Variants in EXOC4 observed in about 807,000 individuals in gnomAD.
EXOC4 encodes exocyst complex component 4, also known as SEC8-like 1.
A neutral mutation model predicts 107.2 loss-of-function variants in EXOC4; 71 were observed. The ratio of observed to expected loss-of-function variants is 0.66; its 90% confidence interval spans 0.55 to 0.81. EXOC4 has a LOEUF of 0.81. EXOC4 is among the 30% of genes least tolerant of loss of function. The probability of loss-of-function intolerance (pLI) is 0.00; values close to 1 mark genes in which losing one functional copy is unlikely to be tolerated. For synonymous variants in EXOC4, 456 were observed against 441.2 expected (o/e 1.03, Z -0.42); for missense variants, 1,108 against 1,189.6 (o/e 0.93, Z 1.01).
At chr7:134,042,530 G>A (rs1795544357) in intron 17 of EXOC4, among the ~76,000 whole-genome samples, 2 of 151,856 alleles carry the variant, frequency 1.3e-5, no homozygotes, top group African/African-American at 4.8e-5. Flanking sequence ...GGCCATCTAC[G>A]ACTGGGCACA....
chr7:133,648,544 T>C (rs1803050080), intron 10 of EXOC4, among the ~76,000 whole-genome samples: 1 of 152,198 alleles, frequency 6.6e-6, no homozygotes, highest in Admixed American at 6.5e-5. Context: ...ATGTACGATA[T>C]ATTCCTTAGT....
At chr7:133,599,741 A>G (rs1801762358) in intron 9 of EXOC4, among the ~76,000 whole-genome samples, 1 of 151,960 alleles carries the variant, frequency 6.6e-6, no homozygotes, top group African/African-American at 2.4e-5. Context: ...TTTATTTACT[A>G]TTTCATTTCT....
chr7:134,019,806 T>G (rs1036698697), intron 17 of EXOC4, among the ~76,000 whole-genome samples: 2 of 152,214 alleles, frequency 1.3e-5, no homozygotes, highest in Non-Finnish European at 2.9e-5. Flanking sequence ...CAAACATTTC[T>G]TTTTTCCTTT....
intron 9 of EXOC4, among the ~76,000 whole-genome samples, chr7:133,530,829 A>AGGGAATGTGAAGGATTGCAGTT (rs1800168166): frequency 6.6e-6 from 1 of 152,206 alleles, no homozygotes; most frequent in Non-Finnish European, 1.5e-5. Context: ...ACTTTGTCAA[A>AGGGAATGTGAAGGATTGCAGTT]GGGAATGTGA....
chr7:133,299,625 TC>T (rs1794598862), intron 3 of EXOC4, among the ~76,000 whole-genome samples: 2 of 152,194 alleles, frequency 1.3e-5, no homozygotes, highest in African/African-American at 4.8e-5. Flanking sequence ...TCACATTTGA[TC>T]CTGTTTTCGA....
chr7:134,042,789 G>A (rs1275702590), intron 17 of EXOC4, among the ~76,000 whole-genome samples: 1 of 152,208 alleles, frequency 6.6e-6, no homozygotes, highest in Non-Finnish European at 1.5e-5. Flanking sequence ...TATAATCCCA[G>A]CACTTTGGGA....
At chr7:133,871,776 G>C (rs1429149636) in intron 11 of EXOC4, among the ~76,000 whole-genome samples, 1 of 152,058 alleles carries the variant, frequency 6.6e-6, no homozygotes, top group Admixed American at 6.6e-5. Flanking sequence ...TGTTACCTTG[G>C]GGTTGTTACT....
In EXOC4 at chr7:133,475,300, A is replaced by T. The variant is rs765276118; in HGVS notation, c.1183-28A>T. The T allele has an allele frequency of 4.5e-6, 7 of 1,564,196 alleles. No individual in the cohort carries two copies. The East Asian group carries it at 1.1e-4, about 25-fold the overall frequency. On this transcript the variant is annotated intron_variant, in intron 7 of 17. Coordinates refer to ENST00000253861, the MANE Select transcript of EXOC4 (RefSeq NM_021807.4). ...TTGCACATTAAAAATGTGTATATTA[A>T]CATTAACTGATTTATCTGGTTGTAC...
At chr7:133,887,554 TG>T (rs1333766281) in intron 11 of EXOC4, among the ~76,000 whole-genome samples, 1 of 152,120 alleles carries the variant, frequency 6.6e-6, no homozygotes, top group Admixed American at 6.6e-5. Context: ...GCATGAGTCA[TG>T]GGGGCCAACA....
intron 10 of EXOC4, among the ~76,000 whole-genome samples, chr7:133,636,456 A>G (rs932244497): frequency 3.9e-5 from 6 of 152,166 alleles, no homozygotes. Flanking sequence ...AGTATGTTGG[A>G]GAATTGCTGC....
At chr7:133,500,572 A>G (rs1799558042) in intron 9 of EXOC4, among the ~76,000 whole-genome samples, 1 of 152,116 alleles carries the variant, frequency 6.6e-6, no homozygotes, top group African/African-American at 2.4e-5. Flanking sequence ...TCCAGTTTTT[A>G]CTTATTGTGA....
At position 133,731,885 on chromosome 7, in the gene EXOC4, ACTC is replaced by A. The variant is rs1172601884; in HGVS notation, c.1515-85436_1515-85434del. Among the ~76,000 whole-genome samples, 5 of 152,070 alleles carry A rather than the reference ACTC, an allele frequency of 3.3e-5. No individual in the cohort carries two copies. The East Asian group carries it at 9.6e-4, about 29-fold the overall frequency. On this transcript the variant is annotated intron_variant, in intron 10 of 17. Transcript: ENST00000253861. ...AACCATTATGGAAGACAGTGTGACG[ACTC>A]CTCAAAGACCTAGAACAAGAAATAC...
At chr7:133,963,171 C>G (rs1055057679) in intron 14 of EXOC4, among the ~76,000 whole-genome samples, 1 of 152,238 alleles carries the variant, frequency 6.6e-6, no homozygotes, top group Non-Finnish European at 1.5e-5. Context: ...AGTTGTGCCT[C>G]GTCCCACTTC....
At chr7:133,692,086 G>A (rs2430773) in intron 10 of EXOC4, among the ~76,000 whole-genome samples, 150,181 of 152,264 alleles carry the variant, frequency 0.99, 74,110 homozygotes, top group Middle Eastern at 1. Context: ...TGCATAAATA[G>A]TGAGGCTATG....
intron 9 of EXOC4, among the ~76,000 whole-genome samples, chr7:133,608,986 C>T (rs1351550497): frequency 1.3e-5 from 2 of 152,094 alleles, no homozygotes; most frequent in Non-Finnish European, 2.9e-5. Context: ...CAAGATTTTA[C>T]CATATTGGGT....
intron 7 of EXOC4, among the ~76,000 whole-genome samples, chr7:133,415,031 T>C (rs1333654836): frequency 1.3e-5 from 2 of 152,158 alleles, no homozygotes. Flanking sequence ...TGAAATCATA[T>C]AATATGTGGT....
intron 12 of EXOC4, among the ~76,000 whole-genome samples, chr7:133,911,939 C>G (rs921321262): frequency 2.6e-5 from 4 of 152,150 alleles, no homozygotes; most frequent in Non-Finnish European, 4.4e-5. Context: ...AAGATTCTTT[C>G]TAGATATGAA....
chr7:134,072,497 T>C, the EXOC4 span, among the ~76,000 whole-genome samples: 20 of 152,104 alleles, frequency 1.3e-4, no homozygotes, highest in African/African-American at 4.8e-4. Flanking sequence ...AAAGTCTTCC[T>C]AGGTTTTAGG....
At chr7:133,885,958 A>G (rs570680564) in intron 11 of EXOC4, among the ~76,000 whole-genome samples, 20 of 152,266 alleles carry the variant, frequency 1.3e-4, no homozygotes, top group Non-Finnish European at 2.6e-4. Context: ...CTTGGTGCTC[A>G]GGAAGGGGCT....
Sources: allele counts gnomAD v4.1 joint callset (sites outside exome capture counted in the v4.1 genomes callset), GRCh38; gene constraint gnomAD v4.1.1; transcripts MANE v1.5; gene names NCBI Gene and HGNC (gene_info 2026-07-23, HGNC 2026-07-21).